The following NEDD4L variants were observed in gnomAD, a reference collection of about 807,000 sequenced individuals.
The protein encoded by NEDD4L is NEDD4 like E3 ubiquitin protein ligase, also known as E3 ubiquitin-protein ligase NEDD4-like.
NEDD4L carries 54 observed loss-of-function variants against 148.9 expected under a neutral mutation model. The ratio of observed to expected loss-of-function variants is 0.36; its 90% CI spans 0.29 to 0.45. The LOEUF (loss-of-function observed/expected upper bound fraction) is 0.45, where lower values mean the gene tolerates loss of function less well. Ranked by LOEUF, NEDD4L falls within the 20% of genes least tolerant of loss-of-function variation. The pLI is 1.00. For synonymous variants in NEDD4L, 433 were observed against 440.7 expected (o/e 0.98, Z 0.22); for missense variants, 856 against 1,233.8 (o/e 0.69, Z 4.59).
chr18:58,391,500 T>C lies in NEDD4L; in HGVS notation c.2766T>C (p.Pro922=). The C allele has an allele frequency of 6.3e-7, 1 of 1,580,570 alleles. No individual in the cohort carries two copies. Among genetic ancestry groups the C allele is most frequent in the Non-Finnish European group, 8.6e-7 (1 of 1,161,912 alleles). ...TTTCTTGTCTAGGTTCCAATGGTCC[T>C]CAGCTGTTTACAATAGAGCAATGGG... ...GFAELYGSNG[P]QLFTIEQWGS... The change falls in exon 30 of 31, where the codon CCT becomes CCC. Residue 922 remains proline (P), a synonymous_variant. Coordinates refer to ENST00000400345, the MANE Select transcript of NEDD4L (RefSeq NM_001144967.3).
At chr18:58,196,469 G>T (rs1025086395) in intron 2 of NEDD4L, among the ~76,000 whole-genome samples, 4 of 152,108 alleles carry the variant, frequency 2.6e-5, no homozygotes, top group African/African-American at 9.7e-5. Context: ...TTAAAAAATT[G>T]TAAATGAGGT....
chr18:58,078,696 A>G lies in NEDD4L; in HGVS notation c.48+33988A>G, dbSNP rs546075446. On this transcript the variant is annotated intron_variant, in intron 1 of 30. Coordinates refer to ENST00000400345, the MANE Select transcript of NEDD4L (RefSeq NM_001144967.3). ...AATGGAACAGAAAGCTTACAGAAATAAAGGGCAGTTCTTTTCTTGAGGTGA... is the reference window on the plus strand; with the variant it reads ...AATGGAACAGAAAGCTTACAGAAATGAAGGGCAGTTCTTTTCTTGAGGTGA... 5.3e-5 allele frequency among the ~76,000 whole-genome samples: 8 copies of G among 152,344 alleles called. No homozygotes were observed. The South Asian group carries it at 1.7e-3, about 32-fold the overall frequency.
intron 1 of NEDD4L, among the ~76,000 whole-genome samples, chr18:58,140,973 G>T (rs1240698717): frequency 6.6e-6 from 1 of 152,226 alleles, no homozygotes; most frequent in East Asian, 1.9e-4. Flanking sequence ...GTGGGGTTTT[G>T]TGAGTTGACA....
intron 1 of NEDD4L, among the ~76,000 whole-genome samples, chr18:58,054,501 G>A (rs79515153): frequency 0.096 from 14,534 of 152,180 alleles, 1,016 homozygotes; most frequent in African/African-American, 0.2. Context: ...GAGAGGCCCA[G>A]GTGGAAAGAT....
At chr18:58,061,079 T>G (rs1054336947) in intron 1 of NEDD4L, among the ~76,000 whole-genome samples, 1 of 152,028 alleles carries the variant, frequency 6.6e-6, no homozygotes, top group African/African-American at 2.4e-5. Context: ...CATTTTTGAT[T>G]GTCACAGCTT....
intron 1 of NEDD4L, among the ~76,000 whole-genome samples, chr18:58,064,900 A>G (rs1248357712): frequency 6.6e-6 from 1 of 152,150 alleles, no homozygotes; most frequent in Non-Finnish European, 1.5e-5. Flanking sequence ...CAGGAGTTTG[A>G]GACCAGCCCG....
At chr18:58,347,297 C>T (rs1398174252) in intron 16 of NEDD4L, among the ~76,000 whole-genome samples, 2 of 141,618 alleles carry the variant, frequency 1.4e-5, no homozygotes, top group Admixed American at 8.0e-5. Context: ...ATTCCAAGGT[C>T]AGGCTGGCCT....
intron 24 of NEDD4L, among the ~76,000 whole-genome samples, chr18:58,378,930 G>T (rs2047949945): frequency 1.3e-5 from 2 of 152,256 alleles, no homozygotes. Flanking sequence ...TCTGATCTCT[G>T]TGAGGAAGAG....
At chr18:58,139,187 TC>T (rs1415938468) in intron 1 of NEDD4L, among the ~76,000 whole-genome samples, 1 of 152,262 alleles carries the variant, frequency 6.6e-6, no homozygotes, top group African/African-American at 2.4e-5. Flanking sequence ...GAGATTGTTT[TC>T]TGTAGTCTTT....
chr18:58,151,658 T>TGTG (rs60365242), intron 1 of NEDD4L, among the ~76,000 whole-genome samples: 3 of 151,152 alleles, frequency 2.0e-5, no homozygotes, highest in African/African-American at 4.9e-5. Flanking sequence ...TGTGTGTGTG[T>TGTG]TGGCTGGAGA....
At chr18:58,053,620 C>A (rs58280396) in intron 1 of NEDD4L, among the ~76,000 whole-genome samples, 6,720 of 152,242 alleles carry the variant, frequency 0.044, 365 homozygotes, top group African/African-American at 0.13. Flanking sequence ...ACAATTTTTA[C>A]ATTCTAATTA....
At chr18:58,204,305 G>A (rs1201089650) in intron 2 of NEDD4L, among the ~76,000 whole-genome samples, 3 of 151,856 alleles carry the variant, frequency 2.0e-5, no homozygotes, top group African/African-American at 7.3e-5. Flanking sequence ...TACAGCCTGG[G>A]CAACAGAGTG....
At position 58,324,115 on chromosome 18, in the gene NEDD4L, A is replaced by G. The variant is rs557221526; in HGVS notation, c.513+781A>G. 1.4e-4 allele frequency among the ~76,000 whole-genome samples: 21 copies of G among 152,332 alleles called. No individual in the cohort carries two copies. The South Asian group carries it at 3.3e-3, about 24-fold the overall frequency. ...TTCATTTACAAGCCTTCATCTCTCT[A>G]TATACATGAAGAGGAATAATGTGGG... On this transcript the variant is annotated intron_variant, in intron 8 of 30. Coordinates refer to ENST00000400345, the MANE Select transcript of NEDD4L (RefSeq NM_001144967.3).
chr18:58,165,894 TC>T, intron 2 of NEDD4L, 33 bp downstream of exon 2: 1 of 1,540,390 alleles, frequency 6.5e-7, no homozygotes, highest in Non-Finnish European at 8.9e-7. Flanking sequence ...TCTGTGGACT[TC>T]TGAAAAATTG....
chr18:58,113,577 C>G (rs2085550191), intron 1 of NEDD4L, among the ~76,000 whole-genome samples: 1 of 152,112 alleles, frequency 6.6e-6, no homozygotes, highest in African/African-American at 2.4e-5. Flanking sequence ...GGCAGGGACA[C>G]TCTGGCAGGT....
intron 2 of NEDD4L, among the ~76,000 whole-genome samples, chr18:58,241,435 C>T (rs182081000): frequency 7.9e-5 from 12 of 152,332 alleles, no homozygotes; most frequent in Admixed American, 5.9e-4. Context: ...ATCACTGGAG[C>T]TCTGCCTGTG....
rs2059187386 is a variant in NEDD4L, at chr18:58,324,998, T to C, written c.516T>C (p.His172=). 2 of 1,613,344 alleles carry C rather than the reference T, an allele frequency of 1.2e-6. No homozygotes were observed. Among genetic ancestry groups the C allele is most frequent in the Non-Finnish European group, 1.7e-6 (2 of 1,179,478 alleles). ...ENSDQRDDME[H]GWEVVDSNDS... The stretch of plus-strand genomic sequence containing the variant: ...GTCCCTTTAACTTTATTCCGCAGCA[T>C]GGATGGGAAGTTGTTGACTCAAATG... The change falls in exon 9 of 31, where the codon CAT becomes CAC. Residue 172 remains histidine, a splice_region_variant and synonymous_variant. Transcript: ENST00000400345.
intron 5 of NEDD4L, among the ~76,000 whole-genome samples, chr18:58,269,427 C>T (rs955363568): frequency 6.6e-6 from 1 of 152,040 alleles, no homozygotes; most frequent in Non-Finnish European, 1.5e-5. Flanking sequence ...TACCCTTGTG[C>T]TCAACACAAG....
At chr18:58,088,996 C>G (rs1313511872) in intron 1 of NEDD4L, among the ~76,000 whole-genome samples, 1 of 152,156 alleles carries the variant, frequency 6.6e-6, no homozygotes, top group Non-Finnish European at 1.5e-5. Context: ...AAGGTCCCCA[C>G]TCGCCTACAG....
Sources: gnomAD v4.1 joint callset for allele counts (sites outside exome capture counted in the v4.1 genomes callset) on GRCh38, gnomAD v4.1.1 for gene constraint, MANE v1.5 for transcripts, NCBI Gene and HGNC (gene_info 2026-07-23, HGNC 2026-07-21) for gene names.